The following TMEM17 variants were observed in gnomAD, a reference collection of about 807,000 sequenced individuals.
The protein encoded by TMEM17 is transmembrane protein 17.
A neutral mutation model predicts 19.1 loss-of-function variants in TMEM17; 15 were observed. That is an observed-to-expected ratio of 0.78 (90% CI 0.52 to 1.21). TMEM17 has a LOEUF of 1.21. Ranked by LOEUF, TMEM17 falls within the 50% of genes most tolerant of loss-of-function variation. The pLI is 0.00. For missense variants in TMEM17, 245 were observed against 242.3 expected, an observed-to-expected ratio of 1.01 and a Z score of -0.07; for synonymous variants, 103 against 86.9, an observed-to-expected ratio of 1.19 and a Z score of -1.03.
At position 62,500,914 on chromosome 2, in the gene TMEM17, A is replaced by T; in HGVS notation, c.*295T>A. ...AGATTCTAACCAGAAATGCTACGAG[A>T]GAGCTGGCAAATGACAACCACCAAT... On this transcript the variant is annotated 3_prime_UTR_variant, in exon 4 of 4. Transcript: ENST00000335390. 3.8e-6 allele frequency: 1 copy of T among 262,192 alleles called. No individual in the cohort carries two copies. Among genetic ancestry groups the T allele is most frequent in the Non-Finnish European group, 7.2e-6 (1 of 138,782 alleles). 16.2% of individuals were successfully genotyped at this position (262,192 alleles called of 1,614,324 possible).
chr2:62,455,642 CT>C, the TMEM17 span, among the ~76,000 whole-genome samples: 7 of 152,164 alleles, frequency 4.6e-5, no homozygotes, highest in Admixed American at 1.3e-4. Flanking sequence ...TGGTGGGTGC[CT>C]GTAATCCCAG....
chr2:62,468,571 G>C, the TMEM17 span, among the ~76,000 whole-genome samples: 1,112 of 152,318 alleles, frequency 7.3e-3, 5 homozygotes, highest in Non-Finnish European at 0.012. Context: ...GTATGTGGGT[G>C]CATGTGGGTG....
At chr2:62,489,652 T>G in the TMEM17 span, among the ~76,000 whole-genome samples, 2 of 152,178 alleles carry the variant, frequency 1.3e-5, no homozygotes, top group African/African-American at 4.8e-5. Flanking sequence ...GAGCTGTTTT[T>G]ATAACATAGG....
At chr2:62,468,982 G>A in the TMEM17 span, among the ~76,000 whole-genome samples, 5 of 152,186 alleles carry the variant, frequency 3.3e-5, no homozygotes, top group African/African-American at 1.2e-4. Context: ...GTCATGTCAG[G>A]CCCAGCAATG....
At chr2:62,503,900 C>T (rs559569604) in intron 1 of TMEM17, among the ~76,000 whole-genome samples, 10 of 152,202 alleles carry the variant, frequency 6.6e-5, no homozygotes, top group Non-Finnish European at 1.2e-4. Context: ...GATTCCATAA[C>T]ACTTTCTGCT....
the TMEM17 span, among the ~76,000 whole-genome samples, chr2:62,466,029 A>C: frequency 6.6e-6 from 1 of 152,214 alleles, no homozygotes; most frequent in African/African-American, 2.4e-5. Flanking sequence ...AAGGGACAAC[A>C]GAACTCAAGA....
the TMEM17 span, among the ~76,000 whole-genome samples, chr2:62,487,112 ATTATC>A: frequency 6.6e-6 from 1 of 152,160 alleles, no homozygotes; most frequent in Non-Finnish European, 1.5e-5. Flanking sequence ...ATGCATATTT[ATTATC>A]TTATAGTCCT....
At chr2:62,455,105 T>C in the TMEM17 span, among the ~76,000 whole-genome samples, 2 of 152,332 alleles carry the variant, frequency 1.3e-5, no homozygotes, top group South Asian at 2.1e-4. Flanking sequence ...ACTCCAAAGA[T>C]ACTCCTACTT....
Position 62,502,814 on chromosome 2 carries a change from G to A in TMEM17, c.101-20C>T. The stretch of plus-strand genomic sequence containing the variant: ...CATTTTCTACAGAAGGAACAGAAAA[G>A]GAACAAATGATGAATCTTGGGTTTA... On this transcript the variant is annotated intron_variant, in intron 1 of 3. Coordinates refer to ENST00000335390, the MANE Select transcript of TMEM17 (RefSeq NM_198276.3). The A allele has an allele frequency of 3.4e-6, 5 of 1,480,938 alleles. No individual in the cohort carries two copies. The highest frequency in any genetic ancestry group is 4.6e-6 in the Non-Finnish European group (5 of 1,077,262). The allele number at this position is 1,480,938 out of a possible 1,614,324, so 91.7% of individuals were successfully genotyped here. A position where few individuals can be genotyped will look rare whatever the true frequency, so the allele number is the denominator to read the frequency against.
chr2:62,482,627 T>C, the TMEM17 span, among the ~76,000 whole-genome samples: 1 of 152,096 alleles, frequency 6.6e-6, no homozygotes, highest in East Asian at 1.9e-4. Flanking sequence ...CCAGGCTGGG[T>C]CAAACAGAAA....
chr2:62,482,053 G>A, the TMEM17 span, among the ~76,000 whole-genome samples: 1 of 152,222 alleles, frequency 6.6e-6, no homozygotes, highest in Admixed American at 6.5e-5. Context: ...GGGGAAGGTA[G>A]AACTGCTGTA....
the TMEM17 span, among the ~76,000 whole-genome samples, chr2:62,459,122 G>T: frequency 6.6e-6 from 1 of 152,186 alleles, no homozygotes; most frequent in Admixed American, 6.5e-5. Flanking sequence ...TTGGATAATT[G>T]TTCCCTGGAG....
the TMEM17 span, among the ~76,000 whole-genome samples, chr2:62,454,978 T>C: frequency 1.3e-5 from 2 of 152,226 alleles, no homozygotes; most frequent in African/African-American, 2.4e-5. Context: ...GTGCTGGGAT[T>C]ACAGGCGTGA....
chr2:62,474,057 G>A, the TMEM17 span, among the ~76,000 whole-genome samples: 1 of 152,138 alleles, frequency 6.6e-6, no homozygotes, highest in Admixed American at 6.5e-5. Context: ...GGGGTGGAGA[G>A]GCCTTCACTG....
At chr2:62,475,420 C>A in the TMEM17 span, among the ~76,000 whole-genome samples, 299 of 152,382 alleles carry the variant, frequency 2.0e-3, no homozygotes, top group African/African-American at 6.7e-3. Context: ...ACGAGAGTCC[C>A]TGCCCACCCA....
At chr2:62,489,305 C>T in the TMEM17 span, among the ~76,000 whole-genome samples, 3 of 152,160 alleles carry the variant, frequency 2.0e-5, no homozygotes, top group African/African-American at 7.2e-5. Flanking sequence ...TGAATGGAGT[C>T]GGAGGTGGAG....
At chr2:62,499,100 T>C (rs1431727127), downstream of TMEM17, among the ~76,000 whole-genome samples, 2 of 152,224 alleles carry the variant, frequency 1.3e-5, no homozygotes, top group African/African-American at 4.8e-5. Context: ...TCCCCCACTG[T>C]TACTATATCT....
chr2:62,502,423 A>C lies in TMEM17; in HGVS notation c.318+14T>G. ...TTTATATCTATCACTGAGAGAAAGG[A>C]AAAAAGAGCTTACCTTCTCCTGTAG... On this transcript the variant is annotated intron_variant, in intron 3 of 3. Transcript: ENST00000335390. The C allele has an allele frequency of 6.5e-7, 1 of 1,534,398 alleles. No individual in the cohort carries two copies.
At chr2:62,481,738 A>AGTGTGTGTGTGTGT in the TMEM17 span, among the ~76,000 whole-genome samples, 1 of 77,128 alleles carries the variant, frequency 1.3e-5, no homozygotes, top group African/African-American at 4.8e-5. Flanking sequence ...TGTGTGTGTA[A>AGTGTGTGTGTGTGT]GGGGGGAGCA....
Sources: gnomAD v4.1 joint callset for allele counts (sites outside exome capture counted in the v4.1 genomes callset) on GRCh38, gnomAD v4.1.1 for gene constraint, MANE v1.5 for transcripts, NCBI Gene and HGNC (gene_info 2026-07-23, HGNC 2026-07-21) for gene names.